The following KIF13A variants were observed in gnomAD, a reference collection of about 807,000 sequenced individuals.
KIF13A encodes the protein kinesin family member 13A.
In KIF13A, 79 loss-of-function variants were observed where a neutral mutation model predicts 212.2. That is an observed-to-expected ratio of 0.37 (90% CI 0.31 to 0.45). KIF13A has a LOEUF of 0.45. KIF13A is among the 20% of genes least tolerant of loss of function. KIF13A has a pLI of 1.00. For missense variants in KIF13A, 1,901 were observed against 2,209.0 expected (o/e 0.86, Z 2.79); for synonymous variants, 789 against 808.6 (o/e 0.98, Z 0.41).
chr6:17,883,315 C>A lies in KIF13A; in HGVS notation c.160-9878G>T, dbSNP rs374547520. ...TGAGCTGTGATCATGTCACTGCACT[C>A]CAGCCTGGGTCACAGAGCAAGACTG... On this transcript the variant is annotated intron_variant, in intron 3 of 38. Coordinates refer to ENST00000259711, the MANE Select transcript of KIF13A (RefSeq NM_022113.6). This position sits in a 1 kb window ranked among gnomAD's most constrained non-coding sequence, Gnocchi z 4.8. Among the ~76,000 whole-genome samples, 7 of 152,192 alleles carry A rather than the reference C, an allele frequency of 4.6e-5. No homozygotes were observed. The East Asian group carries it at 9.6e-4, about 21-fold the overall frequency.
chr6:17,918,633 C>T lies in KIF13A; in HGVS notation c.147-20453G>A, dbSNP rs1774757793. Among the ~76,000 whole-genome samples the T allele has an allele frequency of 6.6e-6, 1 of 152,104 alleles. No individual in the cohort carries two copies. Among genetic ancestry groups the T allele is most frequent in the African/African-American group, 2.4e-5 (1 of 41,418 alleles). The stretch of plus-strand genomic sequence containing the variant: ...GTGTTTTCTTGGGGCTGCCTTCCTA[C>T]AGGTAAGAGAAGTATCACTTGGAAT... On this transcript the variant is annotated intron_variant, in intron 2 of 38. Coordinates refer to ENST00000259711, the MANE Select transcript of KIF13A (RefSeq NM_022113.6). The surrounding 1 kb of genome is among the most constrained non-coding windows in gnomAD (Gnocchi z 4.8).
In KIF13A at chr6:17,825,952, A is replaced by G. The variant is rs548108804; in HGVS notation, c.1620-18T>C. The stretch of plus-strand genomic sequence containing the variant: ...AGTTTATTCTGTGGGGTTTTTCACC[A>G]TTAGAGAAAATCAACTTGTTTTACA... On this transcript the variant is annotated intron_variant, in intron 15 of 38. Transcript: ENST00000259711. This position sits in a 1 kb window ranked among gnomAD's most constrained non-coding sequence, Gnocchi z 4.5. 13 of 1,613,120 alleles carry G rather than the reference A, an allele frequency of 8.1e-6. No individual in the cohort carries two copies. In the South Asian group the frequency reaches 1.3e-4, roughly 16 times the overall value.
downstream of KIF13A, among the ~76,000 whole-genome samples, chr6:17,763,324 G>C (rs1412932034): frequency 6.6e-6 from 1 of 151,878 alleles, no homozygotes; most frequent in Non-Finnish European, 1.5e-5. Context: ...AAAAAAATTA[G>C]CCAGATGTGC....
At chr6:17,976,721 C>G (rs942812478) in intron 2 of KIF13A, among the ~76,000 whole-genome samples, 1 of 151,610 alleles carries the variant, frequency 6.6e-6, no homozygotes, top group Non-Finnish European at 1.5e-5. Context: ...AGCGAGGGCT[C>G]TGAGGACTGC....
intron 3 of KIF13A, among the ~76,000 whole-genome samples, chr6:17,874,981 A>C (rs912804349): frequency 1.1e-5 from 1 of 93,364 alleles, no homozygotes; most frequent in Non-Finnish European, 2.3e-5. Context: ...ATTCCACCAC[A>C]CACACACACA....
chr6:17,773,623 T>C lies in KIF13A; in HGVS notation c.4219-40A>G. ...TATGGGTTAACTGTAATTGAATCACTCCAAAATAAGAAATAAAGCCCAGGT... is the reference window on the plus strand; with the variant it reads ...TATGGGTTAACTGTAATTGAATCACCCCAAAATAAGAAATAAAGCCCAGGT... On this transcript the variant is annotated intron_variant, in intron 35 of 38. Coordinates refer to ENST00000259711, the MANE Select transcript of KIF13A (RefSeq NM_022113.6). The surrounding 1 kb of genome is among the most constrained non-coding windows in gnomAD (Gnocchi z 4.2). 1 of 1,177,424 alleles carries C rather than the reference T, an allele frequency of 8.5e-7. No individual in the cohort carries two copies. The highest frequency in any genetic ancestry group is 1.5e-5 in the South Asian group (1 of 67,166). 72.9% of individuals were successfully genotyped at this position (1,177,424 alleles called of 1,614,324 possible).
intron 2 of KIF13A, among the ~76,000 whole-genome samples, chr6:17,965,879 G>C (rs1779258172): frequency 1.3e-5 from 2 of 152,212 alleles, no homozygotes; most frequent in Non-Finnish European, 2.9e-5. Flanking sequence ...TTGGATAAAA[G>C]TAAGGCTAAA....
chr6:17,930,595 G>A (rs1775905639), intron 2 of KIF13A, among the ~76,000 whole-genome samples: 1 of 152,218 alleles, frequency 6.6e-6, no homozygotes, highest in Non-Finnish European at 1.5e-5. Context: ...TAGCTGGGCA[G>A]GATGGAAGGT....
chr6:17,968,162 C>T lies in KIF13A; in HGVS notation c.146+18892G>A, dbSNP rs976829583. ...AGTAAGCAGAAGCTGCAGCATCAACCCAATGGCCAATTAGGAACCAGAGAA... is the reference window on the plus strand; with the variant it reads ...AGTAAGCAGAAGCTGCAGCATCAACTCAATGGCCAATTAGGAACCAGAGAA... On this transcript the variant is annotated intron_variant, in intron 2 of 38. Transcript: ENST00000259711. The surrounding 1 kb of genome is among the most constrained non-coding windows in gnomAD (Gnocchi z 4.7). 2.0e-5 allele frequency among the ~76,000 whole-genome samples: 3 copies of T among 152,094 alleles called. No individual in the cohort carries two copies. The highest frequency in any genetic ancestry group is 4.8e-5 in the African/African-American group (2 of 41,396).
chr6:17,907,002 T>C (rs1436076670), intron 2 of KIF13A, among the ~76,000 whole-genome samples: 1 of 152,182 alleles, frequency 6.6e-6, no homozygotes, highest in African/African-American at 2.4e-5. Context: ...AGGTAGCACA[T>C]TTCAGGGTTG....
Position 17,787,976 on chromosome 6 carries a change from AT to A in KIF13A, c.3262-102del. The A allele has an allele frequency of 1.3e-6, 1 of 744,228 alleles. No individual in the cohort carries two copies. The allele number at this position is 744,228 out of a possible 1,614,324, so 46.1% of individuals were successfully genotyped here. A position where few individuals can be genotyped will look rare whatever the true frequency, so the allele number is the denominator to read the frequency against. ...GTTTAAATCAACTAGGAAATTTTTC[AT>A]TAGGAAAAGCTGTTGAACATTGCTG... On this transcript the variant is annotated intron_variant, in intron 26 of 38. Coordinates refer to ENST00000259711, the MANE Select transcript of KIF13A (RefSeq NM_022113.6). This position sits in a 1 kb window ranked among gnomAD's most constrained non-coding sequence, Gnocchi z 4.6.
Position 17,975,568 on chromosome 6 carries a change from G to A in KIF13A, c.146+11486C>T, listed in dbSNP as rs150099622. Among the ~76,000 whole-genome samples, 100 of 152,298 alleles carry A rather than the reference G, an allele frequency of 6.6e-4. No homozygotes were observed. In the East Asian group the frequency reaches 0.014, roughly 21 times the overall value. On this transcript the variant is annotated intron_variant, in intron 2 of 38. Coordinates refer to ENST00000259711, the MANE Select transcript of KIF13A (RefSeq NM_022113.6). ...AAAAGAAAAAAAAGCTTCCAGTACA[G>A]AACAAAACGCGAACAAGTTACTGCC...
At chr6:17,944,455 G>T (rs1464450082) in intron 2 of KIF13A, among the ~76,000 whole-genome samples, 1 of 152,116 alleles carries the variant, frequency 6.6e-6, no homozygotes, top group African/African-American at 2.4e-5. Context: ...AATAAACCAA[G>T]AAAAGATTAA....
chr6:17,834,664 T>A lies in KIF13A; in HGVS notation c.1156-593A>T, dbSNP rs1457329132. 3.9e-5 allele frequency among the ~76,000 whole-genome samples: 6 copies of A among 152,224 alleles called. No individual in the cohort carries two copies. The highest frequency in any genetic ancestry group is 8.8e-5 in the Non-Finnish European group (6 of 68,040). On this transcript the variant is annotated intron_variant, in intron 11 of 38. Transcript: ENST00000259711. The surrounding 1 kb of genome is among the most constrained non-coding windows in gnomAD (Gnocchi z 4.0). ...AGTAACTAAGAGGTTTCAATACAGA[T>A]ACTTGCAGCTTAACAAAATTTTGAG...
intron 2 of KIF13A, among the ~76,000 whole-genome samples, chr6:17,940,396 A>G (rs1165972428): frequency 2.6e-5 from 4 of 152,204 alleles, no homozygotes; most frequent in Non-Finnish European, 5.9e-5. Context: ...GGATTCGAGC[A>G]TGCAAATTAA....
At chr6:17,820,074 A>T (rs980572315) in intron 16 of KIF13A, among the ~76,000 whole-genome samples, 2 of 152,114 alleles carry the variant, frequency 1.3e-5, no homozygotes, top group African/African-American at 2.4e-5. Context: ...GCAGAAACAC[A>T]CATGATCCCA....
Position 17,987,126 on chromosome 6 carries a change from TTGG to T in KIF13A, c.71_73del (p.Thr24del). The T allele has an allele frequency of 6.2e-7, 1 of 1,613,006 alleles. No homozygotes were observed. Among genetic ancestry groups the T allele is most frequent in the Non-Finnish European group, 8.5e-7 (1 of 1,179,150 alleles). On this transcript the variant is annotated inframe_deletion, in exon 2 of 39. Transcript: ENST00000259711. The surrounding 1 kb of genome is among the most constrained non-coding windows in gnomAD (Gnocchi z 7.7). ...ATTCCCTTCCATCTCCACCACGCAC[TTGG>T]TGTTCAGTTCCAGTTCTGAAAGCAG...
intron 3 of KIF13A, among the ~76,000 whole-genome samples, chr6:17,893,507 T>C (rs1388880406): frequency 6.6e-6 from 1 of 152,244 alleles, no homozygotes; most frequent in Non-Finnish European, 1.5e-5. Context: ...TTTCCAAGTA[T>C]ACAACCTTAT....
chr6:17,975,743 G>A (rs372832816), intron 2 of KIF13A, among the ~76,000 whole-genome samples: 2 of 148,722 alleles, frequency 1.3e-5, no homozygotes, highest in East Asian at 3.9e-4. Context: ...GTCCTCATTA[G>A]ATTAGCTAGA....
Sources: allele counts gnomAD v4.1 joint callset (sites outside exome capture counted in the v4.1 genomes callset), GRCh38; gene constraint gnomAD v4.1.1; non-coding constraint Gnocchi (gnomAD v3.1); transcripts MANE v1.5; gene names NCBI Gene and HGNC (gene_info 2026-07-23, HGNC 2026-07-21).